HEATR5A: variants seen among roughly 807,000 people sequenced by gnomAD.
The protein encoded by HEATR5A is HEAT repeat-containing protein 5A.
Under a neutral mutation model 218.8 loss-of-function variants are expected in HEATR5A, and 178 were observed. The observed-to-expected ratio is 0.81, with a 90% confidence interval of 0.72 to 0.92. The LOEUF (loss-of-function observed/expected upper bound fraction) is 0.92, where lower values mean the gene tolerates loss of function less well. HEATR5A is among the 40% of genes least tolerant of loss of function. The pLI, the probability that HEATR5A is intolerant of heterozygous loss-of-function variation, is 0.00. For synonymous variants in HEATR5A, 864 were observed against 871.6 expected (o/e 0.99, Z 0.15); for missense variants, 2,420 against 2,418.9 (o/e 1.00, Z -0.01).
intron 22 of HEATR5A, among the ~76,000 whole-genome samples, chr14:31,336,190 G>T (rs1900645632): frequency 7.4e-6 from 1 of 134,998 alleles, no homozygotes; most frequent in Non-Finnish European, 1.6e-5. Flanking sequence ...TATTGCGCAG[G>T]GGGTTATTTT....
At chr14:31,366,625 A>G (rs1445776835) in intron 13 of HEATR5A, among the ~76,000 whole-genome samples, 1 of 152,222 alleles carries the variant, frequency 6.6e-6, no homozygotes, top group East Asian at 1.9e-4. Context: ...TTACTTAGGT[A>G]AGTATAAATT....
chr14:31,341,347 C>G lies in HEATR5A; in HGVS notation c.3228+2549G>C, dbSNP rs184249273. 2.5e-4 allele frequency among the ~76,000 whole-genome samples: 38 copies of G among 151,394 alleles called. 1 individual carries two copies. In the East Asian group the frequency reaches 7.0e-3, roughly 28 times the overall value. On this transcript the variant is annotated intron_variant, in intron 21 of 35. Coordinates refer to ENST00000543095, the MANE Select transcript of HEATR5A (RefSeq NM_015473.4). ...TTTTTTTCCTGCAGTAAATATGTAC[C>G]CTTTTTTGATTTGGGAAGGCAAAAA...
chr14:31,312,404 T>C (rs1257451984), intron 28 of HEATR5A, among the ~76,000 whole-genome samples: 3 of 151,062 alleles, frequency 2.0e-5, no homozygotes, highest in Non-Finnish European at 2.9e-5. Flanking sequence ...AAGTTGCTGG[T>C]GGGTGTGTCC....
intron 1 of HEATR5A, among the ~76,000 whole-genome samples, chr14:31,419,776 T>C (rs142316120): frequency 3.3e-5 from 5 of 152,252 alleles, no homozygotes; most frequent in African/African-American, 9.6e-5. Context: ...CTAAAGACTT[T>C]ATAATCACTT....
rs373493490 is a variant in HEATR5A, at chr14:31,312,883, G to GT, written c.4441+84dup. The GT allele has an allele frequency of 3.8e-4, 441 of 1,146,846 alleles. 1 individual carries two copies. The highest frequency in any genetic ancestry group is 2.3e-3 in the African/African-American group (149 of 63,754). 71.0% of individuals were successfully genotyped at this position (1,146,846 alleles called of 1,614,324 possible). A position where few individuals can be genotyped will look rare whatever the true frequency, so the allele number is the denominator to read the frequency against. On this transcript the variant is annotated intron_variant, in intron 28 of 35. Transcript: ENST00000543095. ...ATGGCACTCCAGCCTGGGAAACAAA[G>GT]TAAGACCCTGTCAAAAACAAAAAAA...
intron 24 of HEATR5A, among the ~76,000 whole-genome samples, chr14:31,322,307 C>G (rs944895910): frequency 5.9e-5 from 9 of 152,152 alleles, no homozygotes; most frequent in African/African-American, 1.9e-4. Context: ...ATGCCAACTA[C>G]AACTTTAACT....
At position 31,323,788 on chromosome 14, in the gene HEATR5A, A is replaced by G; in HGVS notation, c.3564T>C (p.Thr1188=). The G allele has an allele frequency of 6.3e-7, 1 of 1,588,824 alleles. No homozygotes were observed. Among genetic ancestry groups the G allele is most frequent in the South Asian group, 1.1e-5 (1 of 90,340 alleles). The change falls in exon 24 of 36, where the codon ACT becomes ACC. Residue 1188 remains threonine (T), a synonymous_variant. Coordinates refer to ENST00000543095, the MANE Select transcript of HEATR5A (RefSeq NM_015473.4). The part of the protein sequence containing the change: ...LAASADFTAV[T]CVDTMQEEEG... ...CTTCTTCTTGCATTGTATCCACACA[A>G]GTTACAGCTGTAAAATCTTTTATTA...
chr14:31,386,829 G>A (rs570105189), intron 8 of HEATR5A, among the ~76,000 whole-genome samples: 2 of 152,266 alleles, frequency 1.3e-5, no homozygotes, highest in South Asian at 4.1e-4. Flanking sequence ...GGCACTGAGA[G>A]AGAGAACTCA....
intron 22 of HEATR5A, chr14:31,334,279 C>A: frequency 2.7e-6 from 1 of 377,210 alleles, no homozygotes; most frequent in Non-Finnish European, 5.3e-6. Flanking sequence ...TATCCATTCG[C>A]AGATTAAGGA....
intron 7 of HEATR5A, among the ~76,000 whole-genome samples, 186 bp from the exon 8 acceptor site, chr14:31,387,561 G>A (rs1438784159): frequency 1.6e-5 from 2 of 128,870 alleles, no homozygotes; most frequent in Non-Finnish European, 3.2e-5. Flanking sequence ...GAACTGAAGT[G>A]CATTTTTTTT....
At position 31,395,359 on chromosome 14, in the gene HEATR5A, G is replaced by C; in HGVS notation, c.448-11C>G. 1 of 1,441,048 alleles carries C rather than the reference G, an allele frequency of 6.9e-7. No homozygotes were observed. Among genetic ancestry groups the C allele is most frequent in the Non-Finnish European group, 9.3e-7 (1 of 1,078,318 alleles). 89.3% of individuals were successfully genotyped at this position (1,441,048 alleles called of 1,614,324 possible). A position where few individuals can be genotyped will look rare whatever the true frequency, so the allele number is the denominator to read the frequency against. Reference sequence around the variant, plus strand: ...ATATCGGCCTTGAGACTTCCAAAAAGAAAAAAAATTAAATAGGAAAAATAA... The same window carrying C: ...ATATCGGCCTTGAGACTTCCAAAAACAAAAAAAATTAAATAGGAAAAATAA... On this transcript the variant is annotated splice_polypyrimidine_tract_variant and intron_variant, in intron 4 of 35. Coordinates refer to ENST00000543095, the MANE Select transcript of HEATR5A (RefSeq NM_015473.4).
intron 22 of HEATR5A, chr14:31,334,404 T>C: frequency 2.2e-6 from 1 of 456,100 alleles, no homozygotes; most frequent in South Asian, 1.5e-5. Flanking sequence ...AGGATTATCA[T>C]TCTAGATGGT....
chr14:31,398,366 G>A (rs1289351206), intron 4 of HEATR5A, among the ~76,000 whole-genome samples: 1 of 152,172 alleles, frequency 6.6e-6, no homozygotes, highest in Non-Finnish European at 1.5e-5. Flanking sequence ...CACCAGTTAA[G>A]TACTATCAAA....
intron 1 of HEATR5A, among the ~76,000 whole-genome samples, chr14:31,412,783 A>G (rs1011032834): frequency 6.6e-6 from 1 of 152,070 alleles, no homozygotes; most frequent in African/African-American, 2.4e-5. Flanking sequence ...TTGAGGCAGG[A>G]GAATCGCTTG....
rs547335555 is a variant in HEATR5A at position 31,400,355 on chromosome 14, C to A, written c.284G>T (p.Cys95Phe). 2.0e-6 allele frequency: 3 copies of A among 1,535,664 alleles called. No homozygotes were observed. Among genetic ancestry groups the A allele is most frequent in the Non-Finnish European group, 2.6e-6 (3 of 1,146,698 alleles). The change falls in exon 3 of 36, where the codon TGT becomes TTT. Residue 95 changes from cysteine to phenylalanine, a missense_variant. Cys to Phe is a radical substitution (Grantham distance 205). Coordinates refer to ENST00000543095, the MANE Select transcript of HEATR5A (RefSeq NM_015473.4). ...TFSVHEAIDK[C>F]NDLIRSKDDS... ...ATCTTTGCTACGAATAAGATCATTA[C>A]ATTTATCGATTGCTTCATGAACGGA...
chr14:31,405,711 T>C (rs1425709484), intron 1 of HEATR5A, among the ~76,000 whole-genome samples: 1 of 152,046 alleles, frequency 6.6e-6, no homozygotes, highest in Non-Finnish European at 1.5e-5. Flanking sequence ...ATAGAGAAAA[T>C]TTCTTATTAA....
At chr14:31,308,506 T>TG (rs1899628028) in intron 29 of HEATR5A, among the ~76,000 whole-genome samples, 2 of 125,936 alleles carry the variant, frequency 1.6e-5, no homozygotes, top group African/African-American at 3.1e-5. Context: ...AAACTCTGTC[T>TG]AAAAAAAAAA....
intron 6 of HEATR5A, among the ~76,000 whole-genome samples, chr14:31,393,108 A>AAT (rs2030514620): frequency 6.6e-6 from 1 of 152,252 alleles, no homozygotes; most frequent in Admixed American, 6.5e-5. Context: ...TGGCAAGCCA[A>AAT]ATATATGTAG....
chr14:31,371,723 C>A, intron 13 of HEATR5A, 87 bp downstream of exon 13: 1 of 489,274 alleles, frequency 2.0e-6, no homozygotes. Flanking sequence ...AATCATTCAC[C>A]AACTACAGAA....
Sources: allele counts gnomAD v4.1 joint callset (sites outside exome capture counted in the v4.1 genomes callset), GRCh38; gene constraint gnomAD v4.1.1; transcripts MANE v1.5; gene names NCBI Gene and HGNC (gene_info 2026-07-23, HGNC 2026-07-21).